Variants in ZNF469 observed in about 807,000 individuals in gnomAD.
The protein encoded by ZNF469 is zinc finger protein 469.
A neutral mutation model predicts 1.0 loss-of-function variants in ZNF469; 1 was observed. That is an observed-to-expected ratio of 1.00 (90% CI 0.35 to 4.73). The LOEUF (loss-of-function observed/expected upper bound fraction) is 4.73. ZNF469 is among the 30% of genes most tolerant of loss of function. The probability of loss-of-function intolerance (pLI) is 0.16; values close to 1 mark genes in which losing one functional copy is unlikely to be tolerated. For missense variants in ZNF469, 6,100 were observed against 5,356.3 expected, an observed-to-expected ratio of 1.14 and a Z score of -4.33; for synonymous variants, 2,703 against 2,363.4, an observed-to-expected ratio of 1.14 and a Z score of -4.17.
At chr16:88,127,915 A>G in the ZNF469 span, among the ~76,000 whole-genome samples, 1 of 152,212 alleles carries the variant, frequency 6.6e-6, no homozygotes, top group East Asian at 1.9e-4. Flanking sequence ...GTGAAGATCA[A>G]AGAGTTTATT....
At chr16:88,129,434 G>T in the ZNF469 span, among the ~76,000 whole-genome samples, 65 of 151,884 alleles carry the variant, frequency 4.3e-4, no homozygotes, top group African/African-American at 9.2e-4. Flanking sequence ...TGCACATACC[G>T]TTTTTTTTGC....
Position 88,429,926 on chromosome 16 carries a change from G to T in ZNF469, c.2456G>T (p.Ser819Ile), listed in dbSNP as rs1219074995. 6.5e-7 allele frequency: 1 copy of T among 1,550,254 alleles called. No homozygotes were observed. Among genetic ancestry groups the T allele is most frequent in the Non-Finnish European group, 8.7e-7 (1 of 1,146,926 alleles). Residue 819 changes from serine to isoleucine, a missense_variant, in exon 3 of 3, where the codon AGC becomes ATC. Ser to Ile is a moderately radical substitution (Grantham distance 142, BLOSUM62 -2). Coordinates refer to ENST00000565624, the MANE Select transcript of ZNF469 (RefSeq NM_001367624.2). ...DDPLRTGFLP[S>I]LAATPFPLPA... ...CCCCTGAGGACAGGCTTCCTGCCCAGCCTGGCCGCCACCCCCTTCCCGCTC... is the reference window on the plus strand; with the variant it reads ...CCCCTGAGGACAGGCTTCCTGCCCATCCTGGCCGCCACCCCCTTCCCGCTC...
chr16:88,436,537 C>A lies in ZNF469; in HGVS notation c.9067C>A (p.Leu3023Met). Residue 3023 changes from leucine (L) to methionine (M), a missense_variant, in exon 3 of 3, where the codon CTG (leucine) becomes ATG (methionine). Coordinates refer to ENST00000565624, the MANE Select transcript of ZNF469 (RefSeq NM_001367624.2). ...LGDVSPEPPS[L>M]ERERCDGGLP... Reference sequence around the variant, plus strand: ...AGATGTGAGCCCCGAGCCCCCCAGCCTGGAGAGAGAACGCTGTGACGGTGG... The same window carrying A: ...AGATGTGAGCCCCGAGCCCCCCAGCATGGAGAGAGAACGCTGTGACGGTGG... The A allele has an allele frequency of 1.3e-6, 2 of 1,549,558 alleles. No homozygotes were observed. Among genetic ancestry groups the A allele is most frequent in the Non-Finnish European group, 8.7e-7 (1 of 1,146,944 alleles).
At chr16:88,324,810 G>C in the ZNF469 span, among the ~76,000 whole-genome samples, 13 of 152,312 alleles carry the variant, frequency 8.5e-5, no homozygotes, top group Non-Finnish European at 1.8e-4. Context: ...ATGGGCAGAG[G>C]GGGCAGCTGG....
the ZNF469 span, among the ~76,000 whole-genome samples, chr16:88,108,128 CACGTCTGTGGGGATGTGGGGAT>C: frequency 6.4e-5 from 7 of 109,000 alleles, no homozygotes; most frequent in South Asian, 2.8e-4. Context: ...GATGGAGGTG[CACGTCTGTGGGGATGTGGGGAT>C]GGGGGTCCAC....
chr16:88,332,502 G>A, the ZNF469 span, among the ~76,000 whole-genome samples: 1 of 152,244 alleles, frequency 6.6e-6, no homozygotes, highest in Non-Finnish European at 1.5e-5. Flanking sequence ...GGTCCTTGCA[G>A]CATCACTGGA....
the ZNF469 span, among the ~76,000 whole-genome samples, chr16:88,288,148 G>A: frequency 6.6e-6 from 1 of 152,086 alleles, no homozygotes; most frequent in East Asian, 1.9e-4. Context: ...CATTTTGCGA[G>A]TCTCCTTTCT....
At chr16:88,231,739 G>A in the ZNF469 span, among the ~76,000 whole-genome samples, 1 of 152,214 alleles carries the variant, frequency 6.6e-6, no homozygotes, top group African/African-American at 2.4e-5. The surrounding 1 kb of genome is among the most constrained non-coding windows in gnomAD (Gnocchi z 4.5). Flanking sequence ...ACCCTGGGAT[G>A]ACACTGAGCC....
chr16:88,335,418 G>A, the ZNF469 span, among the ~76,000 whole-genome samples: 94 of 152,252 alleles, frequency 6.2e-4, no homozygotes, highest in African/African-American at 2.2e-3. Flanking sequence ...AAAACTTCCA[G>A]GGCGGCCTTA....
the ZNF469 span, among the ~76,000 whole-genome samples, chr16:88,201,303 C>A: frequency 6.6e-6 from 1 of 152,146 alleles, no homozygotes; most frequent in Non-Finnish European, 1.5e-5. The surrounding 1 kb of genome is among the most constrained non-coding windows in gnomAD (Gnocchi z 5.0). Context: ...CCTGTAATCC[C>A]AGCACTTTAA....
In ZNF469 at chr16:88,435,880, G is replaced by A. The variant is rs973157263; in HGVS notation, c.8410G>A (p.Glu2804Lys). 19 of 1,550,032 alleles carry A rather than the reference G, an allele frequency of 1.2e-5. No homozygotes were observed. Among genetic ancestry groups the A allele is most frequent in the East Asian group, 7.3e-5 (3 of 40,930 alleles). ...CCCCTTGGGCCCCCTGGGTTTTCCC[G>A]AGACTTCCAGCTCTCCGGCGGACAG... ...TPPLGPLGFP[E>K]TSSSPADSTT... The change falls in exon 3 of 3, where the codon GAG (glutamate) becomes AAG (lysine). Residue 2804 changes from glutamate (E) to lysine (K), a missense_variant. Glu to Lys is a moderately conservative substitution (Grantham distance 56). Transcript: ENST00000565624.
the ZNF469 span, among the ~76,000 whole-genome samples, chr16:88,114,286 A>AC: frequency 4.1e-3 from 506 of 122,402 alleles, 65 homozygotes; most frequent in East Asian, 0.014. Context: ...CAGGGACCAC[A>AC]TTCACTCACT....
rs573198245 is a variant in ZNF469 at position 88,395,960 on chromosome 16, C to T, written c.-192+12706C>T. On this transcript the variant is annotated intron_variant, in intron 1 of 2. Transcript: ENST00000565624. ...ACCCCAGGTGAACTCTGGAGTCATC[C>T]CCACTGCAGGTGACGCCCTCCCAGC... is the stretch of plus-strand genomic sequence containing the variant. Among the ~76,000 whole-genome samples, 36 of 152,364 alleles carry T rather than the reference C, an allele frequency of 2.4e-4. No homozygotes were observed. The South Asian group carries it at 7.5e-3, about 32-fold the overall frequency.
chr16:88,303,348 G>T, the ZNF469 span, among the ~76,000 whole-genome samples: 1 of 152,228 alleles, frequency 6.6e-6, no homozygotes, highest in Non-Finnish European at 1.5e-5. Context: ...ACGTGGACAC[G>T]TGTGATTTCT....
chr16:88,409,862 TGGCCG>T (rs760990767), intron 1 of ZNF469, among the ~76,000 whole-genome samples: 2 of 4,530 alleles, frequency 4.4e-4, no homozygotes, highest in African/African-American at 1.4e-3. Flanking sequence ...GTGGCCATCT[TGGCCG>T]GGGGGGGGGG....
the ZNF469 span, among the ~76,000 whole-genome samples, chr16:88,315,401 C>T: frequency 2.0e-5 from 3 of 152,360 alleles, no homozygotes; most frequent in Admixed American, 1.3e-4. Flanking sequence ...TCTTCTCCAT[C>T]GCTGCCAGGC....
At chr16:88,183,692 C>G in the ZNF469 span, among the ~76,000 whole-genome samples, 1 of 152,216 alleles carries the variant, frequency 6.6e-6, no homozygotes, top group African/African-American at 2.4e-5. Context: ...ACTCTGGACA[C>G]TTACCAAGTC....
chr16:88,330,715 C>T, the ZNF469 span, among the ~76,000 whole-genome samples: 1 of 152,170 alleles, frequency 6.6e-6, no homozygotes, highest in Non-Finnish European at 1.5e-5. Context: ...AGTTTTCTCT[C>T]CTGGCCCTCC....
chr16:88,255,945 AT>A, the ZNF469 span, among the ~76,000 whole-genome samples: 1 of 152,090 alleles, frequency 6.6e-6, no homozygotes, highest in East Asian at 1.9e-4. Context: ...TGGAGATGTC[AT>A]TTGTGATTTA....
Sources: allele counts gnomAD v4.1 joint callset (sites outside exome capture counted in the v4.1 genomes callset), GRCh38; gene constraint gnomAD v4.1.1; non-coding constraint Gnocchi (gnomAD v3.1); transcripts MANE v1.5; gene names NCBI Gene and HGNC (gene_info 2026-07-23, HGNC 2026-07-21).